Variants in PLK3 observed in about 807,000 individuals in gnomAD.
PLK3 encodes polo like kinase 3, also known as serine/threonine-protein kinase PLK3.
A neutral mutation model predicts 71.6 loss-of-function variants in PLK3; 41 were observed. That is an observed-to-expected ratio of 0.57 (90% CI 0.45 to 0.74). The LOEUF is 0.74. Ranked by LOEUF, PLK3 falls within the 30% of genes least tolerant of loss-of-function variation. The pLI, the probability that PLK3 is intolerant of heterozygous loss-of-function variation, is 0.00. For missense variants in PLK3, 791 were observed against 875.6 expected (o/e 0.90, Z 1.22); for synonymous variants, 366 against 355.4 (o/e 1.03, Z -0.33).
Position 44,803,894 on chromosome 1 carries a change from G to T in PLK3, c.1165-37G>T. The T allele has an allele frequency of 6.9e-7, 1 of 1,446,144 alleles. No individual in the cohort carries two copies. Among genetic ancestry groups the T allele is most frequent in the Non-Finnish European group, 9.5e-7 (1 of 1,052,416 alleles). The allele number at this position is 1,446,144 out of a possible 1,614,324, so 89.6% of individuals were successfully genotyped here. On this transcript the variant is annotated intron_variant, in intron 9 of 14. Coordinates refer to ENST00000372201, the MANE Select transcript of PLK3 (RefSeq NM_004073.4). This position sits in a 1 kb window ranked among gnomAD's most constrained non-coding sequence, Gnocchi z 4.3. ...ATGGACTCAAGGGTTTGGATTTTGG[G>T]GCCTGTGTCACTCCCTTTCCCTGCC...
In PLK3 at chr1:44,801,684, G is replaced by A. The variant is rs376275667; in HGVS notation, c.498G>A (p.Leu166=). 35 of 1,613,658 alleles carry A rather than the reference G, an allele frequency of 2.2e-5. No individual in the cohort carries two copies. Among genetic ancestry groups the A allele is most frequent in the Non-Finnish European group, 3.0e-5 (35 of 1,179,966 alleles). The change falls in exon 4 of 15, where the codon CTG becomes CTA. Residue 166 remains leucine, a synonymous_variant. Coordinates refer to ENST00000372201, the MANE Select transcript of PLK3 (RefSeq NM_004073.4). ...TGGAGCCAGAAGTGCGCTACTACCT[G>A]CGGCAGATCCTTTCTGGCCTCAAGT... ...TLLEPEVRYY[L]RQILSGLKYL...
At chr1:44,804,611 G>T in intron 12 of PLK3, 39 bp from the exon 13 acceptor site, 1 of 1,606,576 alleles carries the variant, frequency 6.2e-7, no homozygotes. Flanking sequence ...GAGGGGCATT[G>T]GTGCAGGGCT....
Position 44,800,707 on chromosome 1 carries a change from T to C in PLK3, c.210+34T>C. The C allele has an allele frequency of 6.5e-7, 1 of 1,545,392 alleles. No individual in the cohort carries two copies. Among genetic ancestry groups the C allele is most frequent in the East Asian group, 2.4e-5 (1 of 41,748 alleles). ...AGGGACGTCCGCGGGGTGGTGATGGTGGAGGTGGGGGTCCCGGCCGGCCTC... is the reference window on the plus strand; with the variant it reads ...AGGGACGTCCGCGGGGTGGTGATGGCGGAGGTGGGGGTCCCGGCCGGCCTC... On this transcript the variant is annotated intron_variant, in intron 1 of 14. Coordinates refer to ENST00000372201, the MANE Select transcript of PLK3 (RefSeq NM_004073.4). This position sits in a 1 kb window ranked among gnomAD's most constrained non-coding sequence, Gnocchi z 6.5.
Position 44,801,978 on chromosome 1 carries a change from C to T in PLK3, c.653+46C>T, listed in dbSNP as rs144145740. 6.6e-5 allele frequency: 92 copies of T among 1,404,334 alleles called. No individual in the cohort carries two copies. The East Asian group carries it at 7.1e-4, about 11-fold the overall frequency. The allele number at this position is 1,404,334 out of a possible 1,614,324, so 87.0% of individuals were successfully genotyped here. ...CCCTGTGTGTGATACAGATGACATGCGTGATAGACAGTGCATATGTATGTG... is the reference window on the plus strand; with the variant it reads ...CCCTGTGTGTGATACAGATGACATGTGTGATAGACAGTGCATATGTATGTG... On this transcript the variant is annotated intron_variant, in intron 5 of 14. Coordinates refer to ENST00000372201, the MANE Select transcript of PLK3 (RefSeq NM_004073.4).
rs1652024967 is a variant in PLK3 at position 44,805,928 on chromosome 1, T to G, written c.*250T>G. On this transcript the variant is annotated 3_prime_UTR_variant, in exon 15 of 15. Transcript: ENST00000372201. ...ACCACTTTTATTTATTGTCAGACAC[T>G]TATTTATTGGGATGTGAGCCCCAGG... The G allele has an allele frequency of 6.7e-7, 1 of 1,488,134 alleles. No homozygotes were observed. The highest frequency in any genetic ancestry group is 8.9e-7 in the Non-Finnish European group (1 of 1,118,808). The allele number at this position is 1,488,134 out of a possible 1,614,324, so 92.2% of individuals were successfully genotyped here.
In PLK3 at chr1:44,800,850, C is replaced by T; in HGVS notation, c.221C>T (p.Ala74Val). Residue 74 changes from alanine (A) to valine (V), a missense_variant, in exon 2 of 15, where the codon GCC becomes GTC. Coordinates refer to ENST00000372201, the MANE Select transcript of PLK3 (RefSeq NM_004073.4). The surrounding 1 kb of genome is among the most constrained non-coding windows in gnomAD (Gnocchi z 6.5). ...GCCCCCTCTTCACAGGGGGGCTTCG[C>T]CCGCTGCTACGAGGCCACTGACACA... ...KGRLLGKGGF[A>V]RCYEATDTET... 6.2e-7 allele frequency: 1 copy of T among 1,609,930 alleles called. No homozygotes were observed. Among genetic ancestry groups the T allele is most frequent in the Non-Finnish European group, 8.5e-7 (1 of 1,179,302 alleles).
chr1:44,805,468 T>G lies in PLK3; in HGVS notation c.1750-19T>G, dbSNP rs750987243. 1.2e-6 allele frequency: 2 copies of G among 1,613,536 alleles called. No homozygotes were observed. Among genetic ancestry groups the G allele is most frequent in the Non-Finnish European group, 1.7e-6 (2 of 1,179,412 alleles). ...GGCCCGGAGCCTAGGTCCTGACCAC[T>G]GTCATGCTCTGTGTGCAGGTGAACT... On this transcript the variant is annotated intron_variant, in intron 14 of 14. Coordinates refer to ENST00000372201, the MANE Select transcript of PLK3 (RefSeq NM_004073.4).
rs1322254818 is a variant in PLK3, at chr1:44,800,392, C to T, written c.-72C>T. On this transcript the variant is annotated 5_prime_UTR_variant, in exon 1 of 15. Coordinates refer to ENST00000372201, the MANE Select transcript of PLK3 (RefSeq NM_004073.4). This position sits in a 1 kb window ranked among gnomAD's most constrained non-coding sequence, Gnocchi z 6.5. Reference sequence around the variant, plus strand: ...GGGCGCCAGCGCAGCGTAGCAAATCCAGGCAGCGCCACGCGCGGCCGGGGC... The same window carrying T: ...GGGCGCCAGCGCAGCGTAGCAAATCTAGGCAGCGCCACGCGCGGCCGGGGC... 2 of 1,234,426 alleles carry T rather than the reference C, an allele frequency of 1.6e-6. No homozygotes were observed. The highest frequency in any genetic ancestry group is 2.0e-6 in the Non-Finnish European group (2 of 988,454). The allele number at this position is 1,234,426 out of a possible 1,614,324, so 76.5% of individuals were successfully genotyped here. A position where few individuals can be genotyped will look rare whatever the true frequency, so the allele number is the denominator to read the frequency against.
chr1:44,801,975 A>G, intron 5 of PLK3, 43 bp downstream of exon 5: 2 of 1,433,896 alleles, frequency 1.4e-6, no homozygotes, highest in Non-Finnish European at 1.9e-6. Flanking sequence ...TACAGATGAC[A>G]TGCGTGATAG....
intron 3 of PLK3, 56 bp downstream of exon 3, chr1:44,801,208 T>TTC: frequency 1.0e-6 from 1 of 989,470 alleles, no homozygotes. Flanking sequence ...ACAGTCTTTT[T>TTC]TTTTTTTTTT....
Position 44,800,522 on chromosome 1 carries a change from C to T in PLK3, c.59C>T (p.Pro20Leu). 2 of 1,456,108 alleles carry T rather than the reference C, an allele frequency of 1.4e-6. No homozygotes were observed. Among genetic ancestry groups the T allele is most frequent in the Non-Finnish European group, 1.8e-6 (2 of 1,111,920 alleles). 90.2% of individuals were successfully genotyped at this position (1,456,108 alleles called of 1,614,324 possible). The change falls in exon 1 of 15, where the codon CCC becomes CTC. Residue 20 changes from proline to leucine, a missense_variant. Physicochemically the swap from Pro to Leu is moderately conservative, Grantham distance 98. Transcript: ENST00000372201. This position sits in a 1 kb window ranked among gnomAD's most constrained non-coding sequence, Gnocchi z 6.5. Reference protein sequence around the residue: ...PRPFQRAAAAPAPPAGPGPPP... With the variant: ...PRPFQRAAAALAPPAGPGPPP... ...CCCTTCCAGCGTGCGGCCGCCGCGC[C>T]CGCTCCCCCGGCCGGGCCCGGGCCG... is the stretch of plus-strand genomic sequence containing the variant.
At position 44,801,152 on chromosome 1, in the gene PLK3, G is replaced by A; in HGVS notation, c.435G>A (p.Lys145=). The A allele has an allele frequency of 6.5e-7, 1 of 1,539,854 alleles. No individual in the cohort carries two copies. Among genetic ancestry groups the A allele is most frequent in the Non-Finnish European group, 9.0e-7 (1 of 1,113,676 alleles). ...TTTTCTTGGAGCTCTGCAGCCGAAA[G>A]GTGAAAGATGGTGATTCCCGCAGGG... The part of the protein sequence containing the change: ...IYIFLELCSR[K]SLAHIWKARH... The change falls in exon 3 of 15, where the codon AAG becomes AAA. Residue 145 remains lysine, a splice_region_variant and synonymous_variant. Transcript: ENST00000372201.
rs1651996646 is a variant in PLK3 at position 44,805,496 on chromosome 1, T to C, written c.1759T>C (p.Tyr587His). ...FSDGTVQVNF[Y>H]GDHTKLILSG... is the part of the protein sequence containing the mutation. ...CATGCTCTGTGTGCAGGTGAACTTC[T>C]ACGGGGACCACACCAAGCTGATTCT... Residue 587 changes from tyrosine (Y) to histidine (H), a missense_variant, in exon 15 of 15, where the codon TAC becomes CAC. Tyr to His is a moderately conservative substitution (Grantham distance 83). Coordinates refer to ENST00000372201, the MANE Select transcript of PLK3 (RefSeq NM_004073.4). 6.2e-7 allele frequency: 1 copy of C among 1,614,188 alleles called. No homozygotes were observed.
rs945243100 is a variant in PLK3 at position 44,803,040 on chromosome 1, C to T, written c.835C>T (p.Leu279=). 2 of 1,613,998 alleles carry T rather than the reference C, an allele frequency of 1.2e-6. No individual in the cohort carries two copies. The highest frequency in any genetic ancestry group is 1.7e-6 in the Non-Finnish European group (2 of 1,179,986). Residue 279 remains leucine (L), a synonymous_variant, in exon 7 of 15, where the codon CTG becomes TTG. Coordinates refer to ENST00000372201, the MANE Select transcript of PLK3 (RefSeq NM_004073.4). The surrounding 1 kb of genome is among the most constrained non-coding windows in gnomAD (Gnocchi z 4.3). ...CTGCATCAAGCAGGTTCACTACACGCTGCCTGCCAGCCTCTCACTGCCTGC... is the reference window on the plus strand; with the variant it reads ...CTGCATCAAGCAGGTTCACTACACGTTGCCTGCCAGCCTCTCACTGCCTGC... ...YRCIKQVHYT[L]PASLSLPARQ... is the part of the protein sequence containing the mutation.
chr1:44,805,071 A>G (rs1651978122), intron 13 of PLK3, 195 bp from the exon 14 acceptor site: 1 of 588,436 alleles, frequency 1.7e-6, no homozygotes, highest in Non-Finnish European at 3.0e-6. Context: ...GCACCATTGC[A>G]CTCCAGCCTG....
In PLK3 at chr1:44,800,821, T is replaced by G. The variant is rs1651802501; in HGVS notation, c.211-19T>G. ...CTCGGCCCCCCTGGAACAACCAGCCTGATGCCCCCTCTTCACAGGGGGGCT... is the reference window on the plus strand; with the variant it reads ...CTCGGCCCCCCTGGAACAACCAGCCGGATGCCCCCTCTTCACAGGGGGGCT... On this transcript the variant is annotated intron_variant, in intron 1 of 14. Transcript: ENST00000372201. This position sits in a 1 kb window ranked among gnomAD's most constrained non-coding sequence, Gnocchi z 6.5. The G allele has an allele frequency of 6.2e-7, 1 of 1,601,070 alleles. No homozygotes were observed. The highest frequency in any genetic ancestry group is 1.1e-5 in the South Asian group (1 of 90,054).
Position 44,802,870 on chromosome 1 carries a change from C to T in PLK3, c.749+15C>T. 1.2e-6 allele frequency: 2 copies of T among 1,610,898 alleles called. No individual in the cohort carries two copies. Among genetic ancestry groups the T allele is most frequent in the Non-Finnish European group, 1.7e-6 (2 of 1,177,078 alleles). On this transcript the variant is annotated intron_variant, in intron 6 of 14. Coordinates refer to ENST00000372201, the MANE Select transcript of PLK3 (RefSeq NM_004073.4). ...GGCTGTGTCATGTGAGTTGCAGGGT[C>T]CAGGTTCAGCAGCAGACAGGTGGTG...
At position 44,804,340 on chromosome 1, in the gene PLK3, G is replaced by A. The variant is rs768604710; in HGVS notation, c.1344G>A (p.Ala448=). The A allele has an allele frequency of 1.5e-5, 25 of 1,613,922 alleles. No homozygotes were observed. Among genetic ancestry groups the A allele is most frequent in the South Asian group, 3.3e-5 (3 of 91,076 alleles). ...LRNCIAFMPP[A]EQNPAPLAQP... The stretch of plus-strand genomic sequence containing the variant: ...TGACTCCCTCCTCTCCCATGACAGC[G>A]GAACAGAACCCGGCCCCCCTGGCCC... Residue 448 remains alanine, a splice_region_variant and synonymous_variant, in exon 12 of 15, where the codon GCG becomes GCA. Coordinates refer to ENST00000372201, the MANE Select transcript of PLK3 (RefSeq NM_004073.4).
Position 44,801,083 on chromosome 1 carries a change from C to T in PLK3, c.366C>T (p.Ile122=), listed in dbSNP as rs1420035658. Residue 122 remains isoleucine (I), a synonymous_variant, in exon 3 of 15, where the codon ATC becomes ATT. Coordinates refer to ENST00000372201, the MANE Select transcript of PLK3 (RefSeq NM_004073.4). ...ELHRDLQHRH[I]VRFSHHFEDA... is the part of the protein sequence containing the mutation. ...ACCGAGACCTGCAGCACCGCCACAT[C>T]GTGCGTTTTTCGCACCACTTTGAGG... 1.2e-6 allele frequency: 2 copies of T among 1,613,740 alleles called. No individual in the cohort carries two copies. Among genetic ancestry groups the T allele is most frequent in the Non-Finnish European group, 1.7e-6 (2 of 1,179,934 alleles).
Sources: allele counts gnomAD v4.1 joint callset, GRCh38; gene constraint gnomAD v4.1.1; non-coding constraint Gnocchi (gnomAD v3.1); transcripts MANE v1.5; gene names NCBI Gene and HGNC (gene_info 2026-07-23, HGNC 2026-07-21).